Variants in LMX1A observed in about 807,000 individuals in gnomAD.
LMX1A encodes LIM homeobox transcription factor 1 alpha.
In LMX1A, 15 loss-of-function variants were observed where a neutral mutation model predicts 49.1. The ratio of observed to expected loss-of-function variants is 0.31; its 90% CI spans 0.20 to 0.47. The LOEUF (loss-of-function observed/expected upper bound fraction) is 0.47, where lower values mean the gene tolerates loss of function less well. Ranked by LOEUF, LMX1A falls within the 20% of genes least tolerant of loss-of-function variation. LMX1A has a pLI of 1.00. For synonymous variants in LMX1A, 167 were observed against 185.7 expected (o/e 0.90, Z 0.82); for missense variants, 372 against 475.8 (o/e 0.78, Z 2.03).
chr1:165,263,371 T>A (rs2101688104), intron 3 of LMX1A, among the ~76,000 whole-genome samples: 1 of 152,232 alleles, frequency 6.6e-6, no homozygotes. Flanking sequence ...AACCACAACC[T>A]CTCCATTTCC....
intron 4 of LMX1A, among the ~76,000 whole-genome samples, chr1:165,248,339 G>C (rs542911565): frequency 6.6e-6 from 1 of 152,310 alleles, no homozygotes; most frequent in African/African-American, 2.4e-5. Flanking sequence ...GGGATGGATA[G>C]AGTGAGGTTA....
chr1:165,269,049 C>G (rs972445110), intron 3 of LMX1A, among the ~76,000 whole-genome samples: 5 of 152,186 alleles, frequency 3.3e-5, no homozygotes, highest in African/African-American at 1.2e-4. Context: ...AAAGGCTCAC[C>G]AAGAGCTACC....
chr1:165,258,022 T>A (rs1653307054), intron 3 of LMX1A, among the ~76,000 whole-genome samples: 2 of 152,208 alleles, frequency 1.3e-5, no homozygotes, highest in African/African-American at 4.8e-5. Context: ...TGATGAGATA[T>A]ATGAACCCTC....
At chr1:165,328,637 T>A (rs1647300183) in intron 3 of LMX1A, among the ~76,000 whole-genome samples, 1 of 152,110 alleles carries the variant, frequency 6.6e-6, no homozygotes, top group Admixed American at 6.5e-5. Context: ...TTCAGCCCCA[T>A]CCAACTCAGT....
Position 165,341,589 on chromosome 1 carries a change from A to AATATATAT in LMX1A, c.263+11479_263+11486dup, listed in dbSNP as rs5778445. ...AGTGACATAGACAGACAATAAACCA[A>AATATATAT]ATATATATATATATATATATATTTC... On this transcript the variant is annotated intron_variant, in intron 3 of 8. Coordinates refer to ENST00000342310, the MANE Select transcript of LMX1A (RefSeq NM_177398.4). 1.5e-3 allele frequency among the ~76,000 whole-genome samples: 221 copies of AATATATAT among 146,678 alleles called. 1 individual carries two copies. The highest frequency in any genetic ancestry group is 2.0e-3 in the Non-Finnish European group (132 of 66,502).
chr1:165,257,357 A>AG (rs1182662109), intron 3 of LMX1A, among the ~76,000 whole-genome samples: 2 of 152,064 alleles, frequency 1.3e-5, no homozygotes, highest in Non-Finnish European at 2.9e-5. Context: ...TCAGCTCATG[A>AG]GGGGGTCACG....
intron 4 of LMX1A, among the ~76,000 whole-genome samples, chr1:165,243,886 T>C (rs1652750526): frequency 6.6e-6 from 1 of 152,200 alleles, no homozygotes; most frequent in Non-Finnish European, 1.5e-5. Context: ...GATAAGAGTA[T>C]CTTTTGTTGG....
At chr1:165,272,453 C>T (rs1442325718) in intron 3 of LMX1A, among the ~76,000 whole-genome samples, 1 of 152,152 alleles carries the variant, frequency 6.6e-6, no homozygotes, top group East Asian at 1.9e-4. Context: ...GGAAGAGACC[C>T]TCATTGCTTC....
Position 165,355,823 on chromosome 1 carries a change from T to G in LMX1A, c.-22-242A>C. Reference sequence around the variant, plus strand: ...TGTACTTAGGCCTCCGCCCCCCAACTGCGTTTCTCCTTCTCCTGCCCCCCT... The same window carrying G: ...TGTACTTAGGCCTCCGCCCCCCAACGGCGTTTCTCCTTCTCCTGCCCCCCT... On this transcript the variant is annotated intron_variant, in intron 1 of 8. Coordinates refer to ENST00000342310, the MANE Select transcript of LMX1A (RefSeq NM_177398.4). This position sits in a 1 kb window ranked among gnomAD's most constrained non-coding sequence, Gnocchi z 4.7. The G allele has an allele frequency of 2.0e-6, 1 of 499,498 alleles. No homozygotes were observed. The highest frequency in any genetic ancestry group is 3.6e-6 in the Non-Finnish European group (1 of 280,984). 30.9% of individuals were successfully genotyped at this position (499,498 alleles called of 1,614,324 possible).
At chr1:165,236,518 A>G (rs1341636362) in intron 4 of LMX1A, among the ~76,000 whole-genome samples, 1 of 152,030 alleles carries the variant, frequency 6.6e-6, no homozygotes, top group African/African-American at 2.4e-5. Context: ...CATGGGACAC[A>G]CTTATACAAA....
chr1:165,290,164 A>G (rs1319443842), intron 3 of LMX1A, among the ~76,000 whole-genome samples: 1 of 152,230 alleles, frequency 6.6e-6, no homozygotes, highest in Non-Finnish European at 1.5e-5. Context: ...TTTACTGACT[A>G]TCAACTACAC....
chr1:165,343,125 T>G (rs768451302), intron 3 of LMX1A, among the ~76,000 whole-genome samples: 9 of 152,170 alleles, frequency 5.9e-5, no homozygotes, highest in Admixed American at 3.9e-4. Context: ...TTACAGCATT[T>G]TCTATGAGCC....
chr1:165,204,156 T>G, intron 8 of LMX1A, 116 bp from the exon 9 acceptor site: 2 of 1,112,648 alleles, frequency 1.8e-6, no homozygotes, highest in South Asian at 1.5e-5. Flanking sequence ...AGGTGAAACT[T>G]TCTACAAAAA....
chr1:165,235,398 G>A lies in LMX1A; in HGVS notation c.496+14010C>T, dbSNP rs565158896. ...TTTCAGCACAAGCGCTCACACGTGC[G>A]CTCGCGCGGACACACACACACACAC... On this transcript the variant is annotated intron_variant, in intron 4 of 8. Transcript: ENST00000342310. Among the ~76,000 whole-genome samples the A allele has an allele frequency of 2.8e-5, 3 of 108,804 alleles. No individual in the cohort carries two copies. The East Asian group carries it at 8.1e-4, about 29-fold the overall frequency. 71.4% of individuals were successfully genotyped at this position (108,804 alleles called of 152,430 possible).
chr1:165,274,810 C>T (rs1653913617), intron 3 of LMX1A, among the ~76,000 whole-genome samples: 1 of 152,168 alleles, frequency 6.6e-6, no homozygotes. Context: ...CATTCACAGG[C>T]AACCCTGAGC....
chr1:165,219,954 A>C (rs1017255054), intron 4 of LMX1A, among the ~76,000 whole-genome samples: 2 of 152,198 alleles, frequency 1.3e-5, no homozygotes, highest in Non-Finnish European at 2.9e-5. Flanking sequence ...TGCAGGTGTC[A>C]CCTGAGCTGA....
At chr1:165,296,307 G>A (rs1033106192) in intron 3 of LMX1A, among the ~76,000 whole-genome samples, 9 of 152,244 alleles carry the variant, frequency 5.9e-5, no homozygotes, top group African/African-American at 2.2e-4. Context: ...AGCGAGAAGG[G>A]TGTTACAACC....
At chr1:165,278,380 G>A (rs1030219588) in intron 3 of LMX1A, among the ~76,000 whole-genome samples, 2 of 152,142 alleles carry the variant, frequency 1.3e-5, no homozygotes, top group Non-Finnish European at 2.9e-5. Context: ...GCTACTCCAG[G>A]AAAAAATGAA....
chr1:165,231,992 AT>A (rs1316335262), intron 4 of LMX1A, among the ~76,000 whole-genome samples: 1 of 152,238 alleles, frequency 6.6e-6, no homozygotes, highest in Non-Finnish European at 1.5e-5. Flanking sequence ...TCTTGAGAGC[AT>A]TCTATCAGAC....
Sources: allele counts gnomAD v4.1 joint callset (sites outside exome capture counted in the v4.1 genomes callset), GRCh38; gene constraint gnomAD v4.1.1; non-coding constraint Gnocchi (gnomAD v3.1); transcripts MANE v1.5; gene names NCBI Gene and HGNC (gene_info 2026-07-23, HGNC 2026-07-21).